ZNF345: variants seen among roughly 807,000 people sequenced by gnomAD.
The protein encoded by ZNF345 is zinc finger protein HZF10.
For synonymous variants in ZNF345, 166 were observed against 187.9 expected (o/e 0.88, Z 0.95); for missense variants, 527 against 589.9 (o/e 0.89, Z 1.10).
At chr19:36,853,267 A>ATTTT (rs2072329337) in intron 2 of ZNF345, among the ~76,000 whole-genome samples, 1 of 62,326 alleles carries the variant, frequency 1.6e-5, no homozygotes, top group African/African-American at 8.2e-5. Flanking sequence ...TTTTTTTTTG[A>ATTTT]CTCGAAGTTT....
At chr19:36,859,234 A>G (rs1307230408) in intron 2 of ZNF345, among the ~76,000 whole-genome samples, 1 of 151,902 alleles carries the variant, frequency 6.6e-6, no homozygotes, top group Non-Finnish European at 1.5e-5. Flanking sequence ...AGCTCACTGC[A>G]GCCTCTGCCT....
chr19:36,892,742 C>T (rs928355394), intron 3 of ZNF345: 13 of 546,324 alleles, frequency 2.4e-5, no homozygotes, highest in Non-Finnish European at 4.0e-5. Context: ...GGTGAATACA[C>T]AGTGTTCAGC....
intron 2 of ZNF345, among the ~76,000 whole-genome samples, chr19:36,853,759 C>T (rs1237716015): frequency 6.6e-6 from 1 of 152,092 alleles, no homozygotes; most frequent in Non-Finnish European, 1.5e-5. Flanking sequence ...GATTCTGTTC[C>T]ACTGGTCTAT....
At chr19:36,875,492 G>A (rs1030003172) in intron 2 of ZNF345, among the ~76,000 whole-genome samples, 5 of 152,070 alleles carry the variant, frequency 3.3e-5, no homozygotes, top group African/African-American at 7.2e-5. Context: ...TTGGGTGGGG[G>A]GTGCAGGGAG....
chr19:36,876,115 T>G (rs2072876702), intron 2 of ZNF345, among the ~76,000 whole-genome samples: 1 of 152,314 alleles, frequency 6.6e-6, no homozygotes, highest in East Asian at 1.9e-4. Context: ...CTTCTCTCAA[T>G]GTTATCATCA....
rs1470615654 is a variant in ZNF345 at position 36,879,572 on chromosome 19, C to T, written c.*1275C>T. On this transcript the variant is annotated 3_prime_UTR_variant, in exon 3 of 3. Transcript: ENST00000420450. ...ATTAAAAATTTTGCCATTATAAACA[C>T]TTACCTTGATGGCCCCTTTTCAGTG... 6.0e-6 allele frequency: 1 copy of T among 166,748 alleles called. No individual in the cohort carries two copies. Among genetic ancestry groups the T allele is most frequent in the African/African-American group, 2.4e-5 (1 of 41,454 alleles). The allele number at this position is 166,748 out of a possible 1,614,324, so 10.3% of individuals were successfully genotyped here. A position where few individuals can be genotyped will look rare whatever the true frequency, so the allele number is the denominator to read the frequency against.
At chr19:36,864,621 A>G (rs1013810173) in intron 2 of ZNF345, among the ~76,000 whole-genome samples, 3 of 152,128 alleles carry the variant, frequency 2.0e-5, no homozygotes, top group African/African-American at 4.8e-5. Flanking sequence ...CCCTTGTTGG[A>G]GAGTGCACAT....
chr19:36,892,771 G>T, intron 3 of ZNF345: 1 of 465,806 alleles, frequency 2.1e-6, no homozygotes, highest in Non-Finnish European at 3.5e-6. Context: ...CCATATTATA[G>T]AGAGATTCTA....
intron 2 of ZNF345, among the ~76,000 whole-genome samples, chr19:36,852,267 A>C (rs2072293247): frequency 6.6e-6 from 1 of 150,778 alleles, no homozygotes; most frequent in Non-Finnish European, 1.5e-5. Flanking sequence ...TTGTGCGCAT[A>C]TTTTGGTACA....
At chr19:36,855,000 C>T (rs1372132249) in intron 2 of ZNF345, among the ~76,000 whole-genome samples, 1 of 151,664 alleles carries the variant, frequency 6.6e-6, no homozygotes, top group Admixed American at 6.6e-5. Flanking sequence ...TACACGCACC[C>T]GCCACCATGC....
At chr19:36,866,658 C>G (rs1367930358) in intron 2 of ZNF345, among the ~76,000 whole-genome samples, 2 of 152,202 alleles carry the variant, frequency 1.3e-5, no homozygotes, top group African/African-American at 4.8e-5. Context: ...AAGTGATTCT[C>G]CTGCCTCAGC....
chr19:36,862,663 CAAAAAAAAAA>C (rs753670661), intron 2 of ZNF345, among the ~76,000 whole-genome samples: 2 of 39,964 alleles, frequency 5.0e-5, no homozygotes, highest in Non-Finnish European at 1.1e-4. Context: ...GACCCAGTCT[CAAAAAAAAAA>C]AAAAAAAAAA....
At chr19:36,885,351 G>A (rs1049423438) in intron 3 of ZNF345, among the ~76,000 whole-genome samples, 3 of 151,270 alleles carry the variant, frequency 2.0e-5, no homozygotes, top group African/African-American at 7.3e-5. Flanking sequence ...TTTTAAATGC[G>A]TATCGTGTCT....
chr19:36,892,253 C>T lies in ZNF345; in HGVS notation c.47-565C>T, dbSNP rs1415988309. 6 of 1,613,804 alleles carry T rather than the reference C, an allele frequency of 3.7e-6. No individual in the cohort carries two copies. The Admixed American group carries it at 1.0e-4, about 27-fold the overall frequency. On this transcript the variant is annotated intron_variant, in intron 3 of 3. Transcript: ENST00000526123. ...TCCTTAGATTCATAGTGTTTTTCAC[C>T]AAAATGAATTCTCTGATGTTGGATA...
At position 36,877,653 on chromosome 19, in the gene ZNF345, C is replaced by G; in HGVS notation, c.823C>G (p.Arg275Gly). ...KAFSFGSALT[R>G]HQRIHTGEKP... ...CTTTAGTTTTGGATCAGCCCTTACTCGACATCAAAGAATTCATACTGGTGA... is the reference window on the plus strand; with the variant it reads ...CTTTAGTTTTGGATCAGCCCTTACTGGACATCAAAGAATTCATACTGGTGA... Residue 275 changes from arginine (R) to glycine (G), a missense_variant, in exon 3 of 3, where the codon CGA becomes GGA. Arg to Gly is a moderately radical substitution (Grantham distance 125). Coordinates refer to ENST00000420450, the MANE Select transcript of ZNF345 (RefSeq NM_001242472.2). 1 of 1,613,878 alleles carries G rather than the reference C, an allele frequency of 6.2e-7. No individual in the cohort carries two copies. The highest frequency in any genetic ancestry group is 8.5e-7 in the Non-Finnish European group (1 of 1,179,946).
At chr19:36,857,441 G>C (rs546382122) in intron 2 of ZNF345, among the ~76,000 whole-genome samples, 20 of 152,106 alleles carry the variant, frequency 1.3e-4, no homozygotes, top group Admixed American at 5.2e-4. Context: ...CGAGTAGCTG[G>C]GACTACAGGC....
At chr19:36,891,890 A>G (rs954107135) in intron 3 of ZNF345, 1 of 1,614,038 alleles carries the variant, frequency 6.2e-7, no homozygotes, top group Non-Finnish European at 8.5e-7. Context: ...GCTTTCCCAC[A>G]TTCTTTACAT....
chr19:36,881,481 T>G (rs1203727177), downstream of ZNF345, among the ~76,000 whole-genome samples: 1 of 152,104 alleles, frequency 6.6e-6, no homozygotes, highest in Non-Finnish European at 1.5e-5. Flanking sequence ...AAGCAAAAAC[T>G]ATATCTAGGA....
intron 2 of ZNF345, among the ~76,000 whole-genome samples, chr19:36,874,952 A>G (rs1568358601): frequency 6.6e-6 from 1 of 152,146 alleles, no homozygotes; most frequent in Non-Finnish European, 1.5e-5. Context: ...TTTTCAGAGA[A>G]ATTATGTTGT....
Sources: allele counts gnomAD v4.1 joint callset (sites outside exome capture counted in the v4.1 genomes callset), GRCh38; gene constraint gnomAD v4.1.1; transcripts MANE v1.5; gene names NCBI Gene and HGNC (gene_info 2026-07-23, HGNC 2026-07-21).